The following SLC9A9 variants were observed in gnomAD, a reference collection of about 807,000 sequenced individuals.
SLC9A9 encodes the protein solute carrier family 9 member A9.
In SLC9A9, 62 loss-of-function variants were observed where a neutral mutation model predicts 77.8. That is an observed-to-expected ratio of 0.80 (90% CI 0.65 to 0.98). The LOEUF is 0.98. Ranked by LOEUF, SLC9A9 falls within the 50% of genes least tolerant of loss-of-function variation. SLC9A9 has a pLI of 0.00. For synonymous variants in SLC9A9, 320 were observed against 283.5 expected (o/e 1.13, Z -1.29); for missense variants, 775 against 774.9 (o/e 1.00, Z 0.00).
chr3:143,578,796 T>C lies in SLC9A9; in HGVS notation c.756-73A>G, dbSNP rs1043563095. On this transcript the variant is annotated intron_variant, in intron 6 of 15. Transcript: ENST00000316549. ...GCCCAGATAGGATTTCGCACCCACT[T>C]TGGGGAGAGGTATCTTTCCCTGTAA... The C allele has an allele frequency of 1.3e-5, 21 of 1,569,582 alleles. 1 individual carries two copies. In the African/African-American group the frequency reaches 1.5e-4, roughly 11 times the overall value.
intron 4 of SLC9A9, among the ~76,000 whole-genome samples, chr3:143,708,497 C>T (rs1010096785): frequency 1.3e-5 from 2 of 152,166 alleles, no homozygotes; most frequent in African/African-American, 4.8e-5. Flanking sequence ...GGGTATCCCA[C>T]CTTCTTCCAT....
chr3:143,368,976 C>G (rs1246936003), intron 13 of SLC9A9, among the ~76,000 whole-genome samples: 1 of 152,118 alleles, frequency 6.6e-6, no homozygotes, highest in East Asian at 1.9e-4. Context: ...TCCCAATGCC[C>G]AGTTAAATTC....
At chr3:143,796,983 A>G in intron 2 of SLC9A9, 80 bp from the exon 3 acceptor site, 2 of 1,156,006 alleles carry the variant, frequency 1.7e-6, no homozygotes, top group Non-Finnish European at 2.6e-6. Context: ...AAACAGTTGT[A>G]ATTGCTTTTG....
At position 143,478,471 on chromosome 3, in the gene SLC9A9, G is replaced by A. The variant is rs1220307784; in HGVS notation, c.1316-11281C>T. On this transcript the variant is annotated intron_variant, in intron 11 of 15. Transcript: ENST00000316549. The stretch of plus-strand genomic sequence containing the variant: ...CCAGGCAGAGTCAGCAGGAGGCTGG[G>A]AGGTGGGGCTAGGATCCTGCCCTAC... Among the ~76,000 whole-genome samples the A allele has an allele frequency of 5.3e-5, 8 of 152,316 alleles. No individual in the cohort carries two copies. The East Asian group carries it at 1.3e-3, about 26-fold the overall frequency.
chr3:143,788,451 G>T (rs1457819539), intron 4 of SLC9A9, among the ~76,000 whole-genome samples: 1 of 152,114 alleles, frequency 6.6e-6, no homozygotes, highest in Non-Finnish European at 1.5e-5. Context: ...AGCACTTTGG[G>T]AGGCCAAGGT....
Position 143,574,149 on chromosome 3 carries a change from G to A in SLC9A9, c.939C>T (p.Thr313=), listed in dbSNP as rs548739368. The A allele has an allele frequency of 1.2e-5, 20 of 1,613,470 alleles. No homozygotes were observed. The highest frequency in any genetic ancestry group is 1.1e-4 in the African/African-American group (8 of 75,000). ...TKLCEFPMLE[T]GLFFLLSWSA... is the part of the protein sequence containing the mutation. ...TCCAAGAAAGCAGGAAAAACAGGCC[G>A]GTTTCCAGCATCGGGAACTCACACA... The change falls in exon 8 of 16, where the codon ACC becomes ACT. Residue 313 remains threonine (T), a synonymous_variant. Transcript: ENST00000316549.
At chr3:143,730,886 A>G (rs968505294) in intron 4 of SLC9A9, among the ~76,000 whole-genome samples, 1 of 152,334 alleles carries the variant, frequency 6.6e-6, no homozygotes, top group Middle Eastern at 3.4e-3. Flanking sequence ...AAAAAGGTTT[A>G]TCGCTAAAGA....
chr3:143,376,702 G>C (rs1257659692), intron 13 of SLC9A9, among the ~76,000 whole-genome samples: 1 of 152,160 alleles, frequency 6.6e-6, no homozygotes, highest in Non-Finnish European at 1.5e-5. Context: ...AAAGTTAGTA[G>C]GGGGAGGACA....
chr3:143,552,785 T>A (rs1280242085), intron 8 of SLC9A9, among the ~76,000 whole-genome samples: 1 of 152,110 alleles, frequency 6.6e-6, no homozygotes, highest in Middle Eastern at 3.2e-3. Flanking sequence ...AACCCTGGGT[T>A]TTTCATAGCC....
intron 4 of SLC9A9, among the ~76,000 whole-genome samples, chr3:143,742,182 C>T (rs1396551696): frequency 6.6e-6 from 1 of 152,004 alleles, no homozygotes; most frequent in Non-Finnish European, 1.5e-5. Flanking sequence ...GGGGCCCTAC[C>T]CAGGAACTGA....
intron 13 of SLC9A9, among the ~76,000 whole-genome samples, chr3:143,376,565 A>G (rs1235843469): frequency 6.6e-6 from 1 of 152,244 alleles, no homozygotes; most frequent in Non-Finnish European, 1.5e-5. Context: ...AAAAATGCTT[A>G]TTAAAGTATA....
In SLC9A9 at chr3:143,767,287, AATTT is replaced by A. The variant is rs147370543; in HGVS notation, c.533+27710_533+27713del. Among the ~76,000 whole-genome samples, 458 of 151,852 alleles carry A rather than the reference AATTT, an allele frequency of 3.0e-3. 1 individual carries two copies. The highest frequency in any genetic ancestry group is 0.014 in the Middle Eastern group (4 of 294). ...GAAGATGAATTTCCCATACTGAGTA[AATTT>A]ATTTACCCCTTCCCTATCATATACA... On this transcript the variant is annotated intron_variant, in intron 4 of 15. Transcript: ENST00000316549.
At chr3:143,812,787 G>C (rs2108873276) in intron 2 of SLC9A9, among the ~76,000 whole-genome samples, 1 of 152,284 alleles carries the variant, frequency 6.6e-6, no homozygotes, top group East Asian at 1.9e-4. Flanking sequence ...GGAAGTCAGA[G>C]CCATTAATGG....
chr3:143,376,481 T>C (rs2033182895), intron 13 of SLC9A9, among the ~76,000 whole-genome samples: 2 of 152,184 alleles, frequency 1.3e-5, no homozygotes, highest in Admixed American at 6.5e-5. Flanking sequence ...GGTATCTTGA[T>C]TGGTCAAGGT....
At chr3:143,840,455 AT>A (rs1255919967) in intron 1 of SLC9A9, among the ~76,000 whole-genome samples, 1 of 152,210 alleles carries the variant, frequency 6.6e-6, no homozygotes, top group Non-Finnish European at 1.5e-5. Context: ...TTCTCAAACT[AT>A]TTATAGTACC....
At chr3:143,831,885 C>T (rs1322128307) in intron 2 of SLC9A9, 134 bp downstream of exon 2, 15 of 775,464 alleles carry the variant, frequency 1.9e-5, no homozygotes, top group Admixed American at 1.5e-4. Context: ...AGTCAATTAA[C>T]GTCTCCAAAA....
At chr3:143,530,812 G>C (rs954141664) in intron 9 of SLC9A9, among the ~76,000 whole-genome samples, 1 of 152,128 alleles carries the variant, frequency 6.6e-6, no homozygotes, top group Non-Finnish European at 1.5e-5. Flanking sequence ...GTGTCATATT[G>C]GTGGCTACTC....
chr3:143,447,331 G>T (rs908277441), intron 12 of SLC9A9, among the ~76,000 whole-genome samples: 1 of 152,116 alleles, frequency 6.6e-6, no homozygotes, highest in Non-Finnish European at 1.5e-5. Context: ...GGAAGCAAAA[G>T]TATTAAGTAA....
At chr3:143,427,345 A>T (rs2034425185) in intron 12 of SLC9A9, among the ~76,000 whole-genome samples, 1 of 152,226 alleles carries the variant, frequency 6.6e-6, no homozygotes, top group Non-Finnish European at 1.5e-5. Flanking sequence ...ACATAATTAA[A>T]ACCATATAGA....
Sources: gnomAD v4.1 joint callset for allele counts (sites outside exome capture counted in the v4.1 genomes callset) on GRCh38, gnomAD v4.1.1 for gene constraint, MANE v1.5 for transcripts, NCBI Gene and HGNC (gene_info 2026-07-23, HGNC 2026-07-21) for gene names.